The following SLC22A24 variants were observed in gnomAD, a reference collection of about 807,000 sequenced individuals.
The protein encoded by SLC22A24 is solute carrier family 22 member 24, also known as steroid transmembrane transporter SLC22A24.
In SLC22A24, 53 loss-of-function variants were observed where a neutral mutation model predicts 49.8. The ratio of observed to expected loss-of-function variants is 1.06; its 90% CI spans 0.85 to 1.34. The LOEUF is 1.34. Among genes scored for constraint, SLC22A24 ranks in the 40% most tolerant of loss-of-function variants. The pLI is 0.00. For synonymous variants in SLC22A24, 302 were observed against 256.4 expected (o/e 1.18, Z -1.70); for missense variants, 786 against 675.9 (o/e 1.16, Z -1.81).
chr11:63,110,354 G>C (rs1337039809), intron 4 of SLC22A24, among the ~76,000 whole-genome samples: 9 of 152,120 alleles, frequency 5.9e-5, no homozygotes, highest in South Asian at 4.2e-4. Context: ...TCCATATGAA[G>C]TTTAAAGTAG....
At chr11:63,101,631 T>A (rs1374416265) in intron 5 of SLC22A24, among the ~76,000 whole-genome samples, 1 of 152,074 alleles carries the variant, frequency 6.6e-6, no homozygotes, top group Admixed American at 6.6e-5. Context: ...TGAAGAGATA[T>A]CTGCACTTCA....
chr11:63,108,338 G>C (rs2087136460), intron 4 of SLC22A24, among the ~76,000 whole-genome samples: 2 of 152,136 alleles, frequency 1.3e-5, no homozygotes, highest in Non-Finnish European at 2.9e-5. Context: ...CGTTTTGCCA[G>C]TATTTTATTG....
At position 63,119,477 on chromosome 11, in the gene SLC22A24, T is replaced by C. The variant is rs2087236568; in HGVS notation, c.507-142A>G. ...CTTGACACCGGGTGGCATAATTATATTAGTGAGCAGCAAAAATCACAGATG... is the reference window on the plus strand; with the variant it reads ...CTTGACACCGGGTGGCATAATTATACTAGTGAGCAGCAAAAATCACAGATG... On this transcript the variant is annotated intron_variant, in intron 2 of 9. Coordinates refer to ENST00000612278, the MANE Select transcript of SLC22A24 (RefSeq NM_001136506.2). The C allele has an allele frequency of 8.9e-6, 7 of 783,492 alleles. No individual in the cohort carries two copies. The East Asian group carries it at 1.9e-4, about 22-fold the overall frequency. 48.5% of individuals were successfully genotyped at this position (783,492 alleles called of 1,614,324 possible). A position where few individuals can be genotyped will look rare whatever the true frequency, so the allele number is the denominator to read the frequency against.
At chr11:63,126,047 T>C (rs1162617351) in intron 2 of SLC22A24, among the ~76,000 whole-genome samples, 1 of 152,202 alleles carries the variant, frequency 6.6e-6, no homozygotes, top group Admixed American at 6.5e-5. Context: ...TCTTTTTAGA[T>C]TCTGGATATT....
chr11:63,096,941 A>G (rs1308453416), intron 5 of SLC22A24, among the ~76,000 whole-genome samples: 2 of 152,194 alleles, frequency 1.3e-5, no homozygotes, highest in Non-Finnish European at 2.9e-5. Flanking sequence ...TCTAATAATT[A>G]TCTGAAGTCT....
At chr11:63,107,187 G>A (rs984254282) in intron 4 of SLC22A24, among the ~76,000 whole-genome samples, 3 of 152,066 alleles carry the variant, frequency 2.0e-5, no homozygotes, top group African/African-American at 7.2e-5. Context: ...TTAAAATAGG[G>A]GATCTTTTCC....
At chr11:63,101,649 T>TCACAATA (rs1484390843) in intron 5 of SLC22A24, among the ~76,000 whole-genome samples, 1 of 152,098 alleles carries the variant, frequency 6.6e-6, no homozygotes. Flanking sequence ...TCATGTTTAT[T>TCACAATA]GCAGCAACAT....
At chr11:63,091,253 G>T (rs1020136102) in intron 6 of SLC22A24, among the ~76,000 whole-genome samples, 1 of 152,156 alleles carries the variant, frequency 6.6e-6, no homozygotes, top group Non-Finnish European at 1.5e-5. Context: ...TGAAATTGAG[G>T]CAGTGAGTAA....
At chr11:63,134,499 T>C (rs560769470) in intron 2 of SLC22A24, among the ~76,000 whole-genome samples, 166 bp downstream of exon 2, 5 of 152,350 alleles carry the variant, frequency 3.3e-5, no homozygotes, top group Admixed American at 3.3e-4. Flanking sequence ...TCATTTCTAA[T>C]TCAAATAAGC....
intron 9 of SLC22A24, 101 bp downstream of exon 9, chr11:63,080,819 A>G (rs2086955024): frequency 3.0e-6 from 3 of 995,614 alleles, no homozygotes; most frequent in Non-Finnish European, 4.5e-6. Flanking sequence ...CTGAGCCTAC[A>G]TGAAGGACAG....
At chr11:63,122,958 G>C (rs1318001483) in intron 2 of SLC22A24, among the ~76,000 whole-genome samples, 1 of 152,078 alleles carries the variant, frequency 6.6e-6, no homozygotes, top group East Asian at 1.9e-4. Flanking sequence ...TCATTTCTTT[G>C]TGTTGGAAAT....
At chr11:63,084,801 T>C (rs988173997) in intron 6 of SLC22A24, among the ~76,000 whole-genome samples, 1 of 152,180 alleles carries the variant, frequency 6.6e-6, no homozygotes, top group Non-Finnish European at 1.5e-5. Context: ...CTTCTTACCA[T>C]ATCAACCACC....
At chr11:63,102,233 CATA>C (rs913517424) in intron 5 of SLC22A24, among the ~76,000 whole-genome samples, 15 of 151,802 alleles carry the variant, frequency 9.9e-5, no homozygotes, top group African/African-American at 3.6e-4. Flanking sequence ...ACTATGTACC[CATA>C]ATAATTAAAA....
intron 1 of SLC22A24, among the ~76,000 whole-genome samples, chr11:63,135,399 G>A (rs118016745): frequency 0.015 from 2,341 of 152,272 alleles, 27 homozygotes; most frequent in Middle Eastern, 0.054. Flanking sequence ...AAACTGGGGC[G>A]ACCTAGCATA....
At chr11:63,132,474 A>G (rs7949137) in intron 2 of SLC22A24, among the ~76,000 whole-genome samples, 7 of 151,964 alleles carry the variant, frequency 4.6e-5, no homozygotes, top group African/African-American at 1.7e-4. Context: ...TTGGTGTAGA[A>G]GTCCTTTTTG....
Position 63,119,195 on chromosome 11 carries a change from T to G in SLC22A24, c.647A>C (p.Asn216Thr). 6.5e-7 allele frequency: 1 copy of G among 1,542,164 alleles called. No homozygotes were observed. Among genetic ancestry groups the G allele is most frequent in the South Asian group, 1.2e-5 (1 of 81,596 alleles). The change falls in exon 3 of 10, where the codon AAC becomes ACC. Residue 216 changes from asparagine to threonine, a missense_variant. Coordinates refer to ENST00000612278, the MANE Select transcript of SLC22A24 (RefSeq NM_001136506.2). ...AGFSTMTILGNTFILSLEWTL... is the reference protein window; with the variant it reads ...AGFSTMTILGTTFILSLEWTL... The stretch of plus-strand genomic sequence containing the variant: ...TATTGACTTACTGAGAATAAAAGTG[T>G]TTCCCAAAATAGTCATGGTGGAGAA...
At chr11:63,117,148 C>T (rs2087218008) in intron 4 of SLC22A24, among the ~76,000 whole-genome samples, 1 of 152,168 alleles carries the variant, frequency 6.6e-6, no homozygotes, top group Non-Finnish European at 1.5e-5. Context: ...TCTTCCATGG[C>T]TCCTTTGTTG....
At chr11:63,105,636 T>G (rs1337586032) in intron 4 of SLC22A24, among the ~76,000 whole-genome samples, 1 of 152,132 alleles carries the variant, frequency 6.6e-6, no homozygotes, top group Admixed American at 6.5e-5. Flanking sequence ...CACCTGCCCC[T>G]AGGATGCACA....
At chr11:63,136,479 C>T (rs1481076772) in intron 1 of SLC22A24, among the ~76,000 whole-genome samples, 4 of 152,216 alleles carry the variant, frequency 2.6e-5, no homozygotes, top group South Asian at 2.1e-4. Context: ...TGAACAAATT[C>T]GGCTACGAAG....
Sources: gnomAD v4.1 joint callset for allele counts (sites outside exome capture counted in the v4.1 genomes callset) on GRCh38, gnomAD v4.1.1 for gene constraint, MANE v1.5 for transcripts, NCBI Gene and HGNC (gene_info 2026-07-23, HGNC 2026-07-21) for gene names.